CEP72: variants seen among roughly 807,000 people sequenced by gnomAD.
The protein encoded by CEP72 is centrosomal protein of 72 kDa.
CEP72 carries 78 observed loss-of-function variants against 65.7 expected under a neutral mutation model. The observed-to-expected ratio is 1.19, with a 90% CI of 0.99 to 1.43. The LOEUF is 1.43. Among genes scored for constraint, CEP72 ranks in the 40% most tolerant of loss-of-function variants. CEP72 has a pLI of 0.00. For synonymous variants in CEP72, 358 were observed against 351.7 expected (o/e 1.02, Z -0.20); for missense variants, 914 against 832.9 (o/e 1.10, Z -1.20).
At chr5:646,489 A>C (rs1738432814) in intron 10 of CEP72, among the ~76,000 whole-genome samples, 1 of 152,098 alleles carries the variant, frequency 6.6e-6, no homozygotes, top group African/African-American at 2.4e-5. Context: ...TCATGGATCA[A>C]GGATAGGGCA....
chr5:620,033 A>G (rs1205669507), intron 2 of CEP72, 36 bp from the exon 3 acceptor site: 3 of 1,552,630 alleles, frequency 1.9e-6, no homozygotes, highest in South Asian at 1.1e-5. Flanking sequence ...TTCTTGTTTA[A>G]AGTGTGAATG....
chr5:633,362 C>T lies in CEP72; in HGVS notation c.513-407C>T, dbSNP rs11750166. On this transcript the variant is annotated intron_variant, in intron 4 of 11. Coordinates refer to ENST00000264935, the MANE Select transcript of CEP72 (RefSeq NM_018140.4). ...TCTGTCCAGTGCCAGGATTTAGTCC[C>T]GTCCTGGTGGGGTTCTGTCCAGTGC... Among the ~76,000 whole-genome samples, 3 of 91,650 alleles carry T rather than the reference C, an allele frequency of 3.3e-5. 1 individual carries two copies. In the South Asian group the frequency reaches 1.1e-3, roughly 34 times the overall value. The allele number at this position is 91,650 out of a possible 152,430, so 60.1% of individuals were successfully genotyped here. A position where few individuals can be genotyped will look rare whatever the true frequency, so the allele number is the denominator to read the frequency against.
the CEP72 span, among the ~76,000 whole-genome samples, chr5:674,969 A>G: frequency 6.9e-6 from 1 of 144,080 alleles, no homozygotes; most frequent in African/African-American, 2.6e-5. Flanking sequence ...CCTGAGAGTC[A>G]GTCCACAAAG....
chr5:650,349 TG>T (rs1164957617), intron 11 of CEP72, among the ~76,000 whole-genome samples: 5 of 91,938 alleles, frequency 5.4e-5, no homozygotes, highest in South Asian at 3.4e-4. Context: ...CTGTGAGGCG[TG>T]GACTGTGAGG....
chr5:637,419 T>C (rs1737684282), intron 6 of CEP72, 98 bp from the exon 7 acceptor site: 5 of 1,017,436 alleles, frequency 4.9e-6, no homozygotes, highest in Non-Finnish European at 7.5e-6. Context: ...CATGTGTGTA[T>C]ATACATGGGC....
At chr5:625,549 G>T (rs1009681936) in intron 4 of CEP72, among the ~76,000 whole-genome samples, 2 of 152,208 alleles carry the variant, frequency 1.3e-5, no homozygotes, top group African/African-American at 2.4e-5. Context: ...GCAGGGGCCC[G>T]ATTTGAGCCG....
chr5:644,147 A>T, intron 9 of CEP72, 152 bp from the exon 10 acceptor site: 1 of 805,554 alleles, frequency 1.2e-6, no homozygotes, highest in Non-Finnish European at 2.0e-6. Flanking sequence ...GAGCAGGGAG[A>T]TGTACCGTGA....
intron 1 of CEP72, among the ~76,000 whole-genome samples, chr5:618,273 A>G (rs776315620): frequency 6.6e-6 from 1 of 152,222 alleles, no homozygotes; most frequent in Non-Finnish European, 1.5e-5. Flanking sequence ...CTTGCTCGTC[A>G]GTGCTGATAT....
In CEP72 at chr5:639,166, C is replaced by T. The variant is rs368528298; in HGVS notation, c.1284C>T (p.Asp428=). 3 of 1,611,028 alleles carry T rather than the reference C, an allele frequency of 1.9e-6. No homozygotes were observed. Among genetic ancestry groups the T allele is most frequent in the East Asian group, 4.5e-5 (2 of 44,758 alleles). ...CGGCGCTCCTGGAGACGCTCTTGGACCTGGTGGACAGGAGCTGGGGCGGCT... is the reference window on the plus strand; with the variant it reads ...CGGCGCTCCTGGAGACGCTCTTGGATCTGGTGGACAGGAGCTGGGGCGGCT... ...LQAALLETLL[D]LVDRSWGGCR... is the part of the protein sequence containing the mutation. The change falls in exon 8 of 12, where the codon GAC becomes GAT. Residue 428 remains aspartate (D), a synonymous_variant. Transcript: ENST00000264935.
At chr5:671,893 C>CG (rs986336131), downstream of CEP72, among the ~76,000 whole-genome samples, 1 of 152,096 alleles carries the variant, frequency 6.6e-6, no homozygotes, top group Non-Finnish European at 1.5e-5. Flanking sequence ...ACCCTTCCCC[C>CG]GGGCTGGGTA....
rs1736553482 is a variant in CEP72, at chr5:623,770, G to T, written c.404-701G>T. Among the ~76,000 whole-genome samples, 1 of 152,096 alleles carries T rather than the reference G, an allele frequency of 6.6e-6. No homozygotes were observed. Among genetic ancestry groups the T allele is most frequent in the African/African-American group, 2.4e-5 (1 of 41,378 alleles). On this transcript the variant is annotated intron_variant, in intron 3 of 11. Coordinates refer to ENST00000264935, the MANE Select transcript of CEP72 (RefSeq NM_018140.4). This position sits in a 1 kb window ranked among gnomAD's most constrained non-coding sequence, Gnocchi z 5.3. ...GAGGCCTCTGACTCGGCATCTTTGT[G>T]TGATTATCAGAACTCCTCCGTTTTT...
downstream of CEP72, chr5:660,392 C>G (rs1739538863): frequency 6.6e-6 from 1 of 152,272 alleles, no homozygotes; most frequent in South Asian, 2.1e-4. Flanking sequence ...GCCCAGGACT[C>G]CCCATCACAT....
At chr5:625,874 GTC>G (rs1325205249) in intron 4 of CEP72, among the ~76,000 whole-genome samples, 2 of 152,186 alleles carry the variant, frequency 1.3e-5, no homozygotes, top group African/African-American at 2.4e-5. Context: ...CTCCGTGCCT[GTC>G]TCTCTACGGG....
downstream of CEP72, among the ~76,000 whole-genome samples, chr5:672,132 C>A (rs2126885384): frequency 6.6e-6 from 1 of 152,352 alleles, no homozygotes; most frequent in African/African-American, 2.4e-5. Flanking sequence ...GTACTGGGAA[C>A]AGTCCGAAGA....
chr5:637,824 A>G lies in CEP72; in HGVS notation c.1206+6A>G. On this transcript the variant is annotated splice_donor_region_variant and intron_variant, in intron 7 of 11. Transcript: ENST00000264935. ...GTGTGACCGACACCAGAGAGGTGAG[A>G]GAAGGGCTGGGGAGCAGCAGGCCCA... is the stretch of plus-strand genomic sequence containing the variant. 6.5e-7 allele frequency: 1 copy of G among 1,540,626 alleles called. No individual in the cohort carries two copies.
At chr5:658,479 T>C (rs935116055), downstream of CEP72, among the ~76,000 whole-genome samples, 1 of 152,170 alleles carries the variant, frequency 6.6e-6, no homozygotes, top group African/African-American at 2.4e-5. Flanking sequence ...ATTTGAACTT[T>C]CTCTTCAGTC....
At chr5:637,200 C>T (rs1000023129) in intron 6 of CEP72, among the ~76,000 whole-genome samples, 5 of 152,342 alleles carry the variant, frequency 3.3e-5, no homozygotes, top group Non-Finnish European at 5.9e-5. Context: ...TACTGCACGT[C>T]GGTCATCACG....
intron 11 of CEP72, among the ~76,000 whole-genome samples, chr5:651,958 C>G (rs1236730768): frequency 2.6e-5 from 4 of 152,190 alleles, no homozygotes; most frequent in Non-Finnish European, 5.9e-5. Context: ...CTGCCCCTTA[C>G]AGGATAAAGG....
intron 9 of CEP72, chr5:643,128 T>C (rs769185317): frequency 2.8e-5 from 27 of 974,320 alleles, no homozygotes; most frequent in Non-Finnish European, 3.3e-5. Flanking sequence ...GGCAGGAGGC[T>C]CAGGAGTTGG....
Sources: allele counts gnomAD v4.1 joint callset (sites outside exome capture counted in the v4.1 genomes callset), GRCh38; gene constraint gnomAD v4.1.1; non-coding constraint Gnocchi (gnomAD v3.1); transcripts MANE v1.5; gene names NCBI Gene and HGNC (gene_info 2026-07-23, HGNC 2026-07-21).